The following SUMF1 variants were observed in gnomAD, a reference collection of about 807,000 sequenced individuals.
The protein encoded by SUMF1 is sulfatase modifying factor 1.
SUMF1 carries 48 observed loss-of-function variants against 47.6 expected under a neutral mutation model. That is an observed-to-expected ratio of 1.01 (90% CI 0.80 to 1.28). The LOEUF (loss-of-function observed/expected upper bound fraction) is 1.28, where lower values mean the gene tolerates loss of function less well. Among genes scored for constraint, SUMF1 ranks in the 50% most tolerant of loss-of-function variants. SUMF1 has a pLI of 0.00. For synonymous variants in SUMF1, 230 were observed against 192.1 expected (o/e 1.20, Z -1.63); for missense variants, 571 against 485.4 (o/e 1.18, Z -1.66).
rs34421929 is a variant in SUMF1, at chr3:4,333,820, A to ATT, written c.1014+42508_1014+42509dup. On this transcript the variant is annotated intron_variant and NMD_transcript_variant, in intron 8 of 12. Coordinates refer to the SUMF1 transcript ENST00000448413. ...AGCCAACAAAGATACTAAGCACATA[A>ATT]TTTTTTTTTTTTTTAAGTTTTAGCC... 2.8e-3 allele frequency among the ~76,000 whole-genome samples: 412 copies of ATT among 148,432 alleles called. 2 individuals are homozygous for ATT. Among genetic ancestry groups the ATT allele is most frequent in the African/African-American group, 9.4e-3 (385 of 40,754 alleles).
At chr3:4,210,275 G>C (rs955429222) in intron 8 of SUMF1, among the ~76,000 whole-genome samples, 1 of 152,058 alleles carries the variant, frequency 6.6e-6, no homozygotes, top group African/African-American at 2.4e-5. Context: ...AATTCCAGCA[G>C]ACATTTTCTA....
intron 8 of SUMF1, among the ~76,000 whole-genome samples, chr3:4,162,410 G>A (rs7614512): frequency 6.6e-6 from 1 of 152,178 alleles, no homozygotes; most frequent in Non-Finnish European, 1.5e-5. Flanking sequence ...TTGTGGCCTA[G>A]ACTGCCTTTC....
chr3:4,275,991 T>G (rs1210254560), intron 8 of SUMF1, among the ~76,000 whole-genome samples: 1 of 152,210 alleles, frequency 6.6e-6, no homozygotes, highest in Non-Finnish European at 1.5e-5. Context: ...TCAGTTTCAT[T>G]TCTCTGTAGT....
chr3:4,164,065 C>A (rs1363208370), intron 8 of SUMF1, among the ~76,000 whole-genome samples: 1 of 152,124 alleles, frequency 6.6e-6, no homozygotes. Context: ...ACTTGTTCCC[C>A]ATATTCATAT....
chr3:4,070,685 G>A (rs1293825058), intron 8 of SUMF1, among the ~76,000 whole-genome samples: 2 of 151,808 alleles, frequency 1.3e-5, no homozygotes, highest in Admixed American at 6.6e-5. Flanking sequence ...GCCCAGGCTG[G>A]AGTGCAGTGG....
rs569044177 is a variant in SUMF1, at chr3:4,282,425, A to T, written c.1014+93905T>A. Among the ~76,000 whole-genome samples the T allele has an allele frequency of 3.2e-4, 48 of 152,338 alleles. 1 individual carries two copies. In the South Asian group the frequency reaches 9.9e-3, roughly 32 times the overall value. The stretch of plus-strand genomic sequence containing the variant: ...TACACTGCTCTTCTTAATTTCTACA[A>T]TAATTAGTTAGAATAAAAATCAATT... On this transcript the variant is annotated intron_variant and NMD_transcript_variant, in intron 8 of 12. Transcript: ENST00000448413.
chr3:4,362,638 G>A (rs1399942200), intron 8 of SUMF1, among the ~76,000 whole-genome samples: 1 of 152,272 alleles, frequency 6.6e-6, no homozygotes, highest in East Asian at 1.9e-4. Flanking sequence ...AATGTTAAAT[G>A]AGGCCAGGCG....
intron 1 of SUMF1, among the ~76,000 whole-genome samples, chr3:4,456,727 CGTGTGTATATAT>C (rs2079628183): frequency 4.0e-5 from 2 of 50,372 alleles, no homozygotes; most frequent in African/African-American, 1.7e-4. Context: ...CATATATATA[CGTGTGTATATAT>C]ACACACATAT....
chr3:4,313,859 G>C (rs768787466), intron 8 of SUMF1: 1 of 1,557,210 alleles, frequency 6.4e-7, no homozygotes, highest in African/African-American at 1.4e-5. Context: ...TTTAACTCAG[G>C]AATGTGGCAG....
chr3:4,458,940 G>A (rs558071913), intron 1 of SUMF1, among the ~76,000 whole-genome samples: 1 of 152,260 alleles, frequency 6.6e-6, no homozygotes, highest in East Asian at 1.9e-4. Context: ...AATGAGCCAA[G>A]CACAAAATGA....
rs369916637 is a variant in SUMF1 at position 4,391,233 on chromosome 3, TG to T, written c.955-14845del. ...AGTGTCAATATGATTTGTCCAGGTGTGGTTTTTTGTTTTTGTTTTTGTTTTT... is the reference window on the plus strand; with the variant it reads ...AGTGTCAATATGATTTGTCCAGGTGTGTTTTTTGTTTTTGTTTTTGTTTTT... On this transcript the variant is annotated intron_variant, in intron 7 of 8. Transcript: ENST00000272902. 2.8e-4 allele frequency among the ~76,000 whole-genome samples: 42 copies of T among 151,932 alleles called. 1 individual carries two copies. In the South Asian group the frequency reaches 8.7e-3, roughly 32 times the overall value.
chr3:4,399,367 G>C (rs1701135512), intron 7 of SUMF1, among the ~76,000 whole-genome samples: 2 of 152,122 alleles, frequency 1.3e-5, no homozygotes, highest in African/African-American at 4.8e-5. Context: ...CCATCTTTAA[G>C]TTGACGGAGA....
chr3:4,109,912 T>A (rs1453060105), intron 8 of SUMF1, among the ~76,000 whole-genome samples: 1 of 152,134 alleles, frequency 6.6e-6, no homozygotes, highest in Non-Finnish European at 1.5e-5. Flanking sequence ...TCTGAAGCCT[T>A]CTTCTCTCAA....
chr3:4,455,240 G>A (rs1703115452), intron 1 of SUMF1, among the ~76,000 whole-genome samples: 1 of 151,946 alleles, frequency 6.6e-6, no homozygotes, highest in South Asian at 2.1e-4. Flanking sequence ...ATAAACAAGG[G>A]TTCAATATCA....
intron 8 of SUMF1, among the ~76,000 whole-genome samples, chr3:4,342,628 T>G (rs1051626711): frequency 4.6e-5 from 7 of 152,208 alleles, no homozygotes; most frequent in Non-Finnish European, 1.0e-4. Context: ...ACTCCTGGAC[T>G]TCAGTTACAG....
intron 8 of SUMF1, among the ~76,000 whole-genome samples, chr3:4,117,003 T>C (rs916566710): frequency 6.6e-6 from 1 of 152,112 alleles, no homozygotes; most frequent in Non-Finnish European, 1.5e-5. Flanking sequence ...CTTATAGTTA[T>C]ACATGGAAAA....
intron 8 of SUMF1, among the ~76,000 whole-genome samples, chr3:4,370,913 C>T (rs961800626): frequency 6.6e-6 from 1 of 152,134 alleles, no homozygotes; most frequent in Non-Finnish European, 1.5e-5. Context: ...TCACAGCAAT[C>T]CCTGAGACTG....
At chr3:4,183,374 C>A (rs138432998) in intron 8 of SUMF1, among the ~76,000 whole-genome samples, 1 of 152,100 alleles carries the variant, frequency 6.6e-6, no homozygotes, top group Non-Finnish European at 1.5e-5. Context: ...TAATTATAGT[C>A]CTGATGCTTT....
intron 8 of SUMF1, among the ~76,000 whole-genome samples, chr3:4,089,119 T>C (rs574276982): frequency 6.6e-6 from 1 of 152,114 alleles, no homozygotes; most frequent in Non-Finnish European, 1.5e-5. Context: ...AAGTGCAGAT[T>C]ATGTATAATT....
Sources: allele counts gnomAD v4.1 joint callset (sites outside exome capture counted in the v4.1 genomes callset), GRCh38; gene constraint gnomAD v4.1.1; transcripts MANE v1.5; gene names NCBI Gene and HGNC (gene_info 2026-07-23, HGNC 2026-07-21).